Variants in MECOM observed in about 807,000 individuals in gnomAD.
MECOM encodes histone-lysine N-methyltransferase MECOM.
A neutral mutation model predicts 116.3 loss-of-function variants in MECOM; 13 were observed. The ratio of observed to expected loss-of-function variants is 0.11; its 90% CI spans 0.07 to 0.18. The LOEUF (loss-of-function observed/expected upper bound fraction) is 0.18. Among genes scored for constraint, MECOM ranks in the 10% least tolerant of loss-of-function variants. The probability of loss-of-function intolerance (pLI) is 1.00; values close to 1 mark genes in which losing one functional copy is unlikely to be tolerated. For synonymous variants in MECOM, 528 were observed against 535.2 expected (o/e 0.99, Z 0.19); for missense variants, 1,299 against 1,509.0 (o/e 0.86, Z 2.31).
chr3:169,163,028 T>C (rs1743070314), intron 2 of MECOM, among the ~76,000 whole-genome samples: 1 of 152,128 alleles, frequency 6.6e-6, no homozygotes, highest in Non-Finnish European at 1.5e-5. Flanking sequence ...TCATTTGCAA[T>C]AATGATAATA....
chr3:169,478,869 C>A (rs1042222396), intron 1 of MECOM, among the ~76,000 whole-genome samples: 67 of 152,286 alleles, frequency 4.4e-4, no homozygotes, highest in African/African-American at 1.5e-3. Flanking sequence ...CACAGATTAA[C>A]CATACAGAGC....
At chr3:169,548,904 A>G (rs1761041627) in intron 1 of MECOM, among the ~76,000 whole-genome samples, 1 of 152,020 alleles carries the variant, frequency 6.6e-6, no homozygotes, top group Admixed American at 6.5e-5. Context: ...ACTGATACCT[A>G]GAGAGCTTAA....
At chr3:169,150,445 C>G (rs1438849668) in intron 2 of MECOM, among the ~76,000 whole-genome samples, 2 of 152,232 alleles carry the variant, frequency 1.3e-5, no homozygotes, top group Non-Finnish European at 2.9e-5. Context: ...AAGCCGCTGT[C>G]TGCTCAGCAG....
chr3:169,112,836 A>G lies in MECOM; in HGVS notation c.2528T>C (p.Leu843Ser). 6.2e-7 allele frequency: 1 copy of G among 1,613,168 alleles called. No individual in the cohort carries two copies. The highest frequency in any genetic ancestry group is 8.5e-7 in the Non-Finnish European group (1 of 1,179,438). Residue 843 changes from leucine (L) to serine (S), a missense_variant, in exon 9 of 17, where the codon TTA becomes TCA. Around this residue, in one of 6 missense-constraint regions of MECOM, gnomAD observed 340 missense variants for 312.6 expected, o/e 1.09. Coordinates refer to ENST00000651503, the MANE Select transcript of MECOM (RefSeq NM_004991.4). ...KRKLTDPLEA[L>S]KEKYLRPSPG... is the part of the protein sequence containing the mutation. ...AGAAGGCCTCAAGTATTTCTCTTTT[A>G]AAGCTTCAAGTGGGTCAGTTAGTTT...
chr3:169,263,254 G>A (rs1484082612), intron 2 of MECOM, among the ~76,000 whole-genome samples: 4 of 147,996 alleles, frequency 2.7e-5, no homozygotes, highest in East Asian at 4.0e-4. Flanking sequence ...TCAGCCTCCC[G>A]AGTAGCTGGG....
chr3:169,656,510 T>C (rs555566753), intron 1 of MECOM, among the ~76,000 whole-genome samples: 1 of 152,306 alleles, frequency 6.6e-6, no homozygotes, highest in South Asian at 2.1e-4. Context: ...TTTTCCATAA[T>C]GAAACAGTTC....
At chr3:169,292,194 T>C (rs1381330902) in intron 2 of MECOM, among the ~76,000 whole-genome samples, 4 of 151,840 alleles carry the variant, frequency 2.6e-5, no homozygotes, top group African/African-American at 9.7e-5. Flanking sequence ...AATTCGAAAA[T>C]TAGCTGGGCA....
At chr3:169,258,996 A>G (rs1331520475) in intron 2 of MECOM, among the ~76,000 whole-genome samples, 3 of 151,810 alleles carry the variant, frequency 2.0e-5, no homozygotes, top group South Asian at 2.1e-4. Flanking sequence ...TACAACATCT[A>G]TGGTTTTGCA....
intron 1 of MECOM, among the ~76,000 whole-genome samples, chr3:169,555,326 G>A (rs1444765674): frequency 6.6e-6 from 1 of 152,138 alleles, no homozygotes. Flanking sequence ...GGATTTCACA[G>A]TCTGAGAAGG....
intron 1 of MECOM, among the ~76,000 whole-genome samples, chr3:169,509,482 A>G (rs536376347): frequency 3.9e-5 from 6 of 152,216 alleles, no homozygotes; most frequent in African/African-American, 1.4e-4. Context: ...GAAACTCTGT[A>G]CCCAATAACT....
intron 1 of MECOM, among the ~76,000 whole-genome samples, chr3:169,646,572 G>A (rs1774218216): frequency 6.6e-6 from 1 of 151,946 alleles, no homozygotes; most frequent in Admixed American, 6.6e-5. Flanking sequence ...GAAATACTTT[G>A]TTGCAGGCCC....
chr3:169,392,618 G>A (rs1381258012), intron 1 of MECOM, among the ~76,000 whole-genome samples: 1 of 152,122 alleles, frequency 6.6e-6, no homozygotes, highest in Middle Eastern at 3.2e-3. Flanking sequence ...CAGTAGTGAA[G>A]ACATAGATGG....
In MECOM at chr3:169,306,616, G is replaced by A. The variant is rs996743504; in HGVS notation, c.375+74571C>T. Among the ~76,000 whole-genome samples, 24 of 152,238 alleles carry A rather than the reference G, an allele frequency of 1.6e-4. 1 individual carries two copies. The highest frequency in any genetic ancestry group is 2.8e-4 in the Non-Finnish European group (19 of 68,040). ...GAATCACTTGAACCTGAGAGACAGA[G>A]GTTGCAGTGAGCAGAGATCATGCCA... On this transcript the variant is annotated intron_variant, in intron 2 of 16. Transcript: ENST00000651503.
At chr3:169,556,885 T>C (rs565477556) in intron 1 of MECOM, among the ~76,000 whole-genome samples, 11 of 152,136 alleles carry the variant, frequency 7.2e-5, no homozygotes, top group Admixed American at 3.9e-4. Flanking sequence ...TTATGCCAGC[T>C]CCCAGATTCC....
At chr3:169,576,464 AG>A (rs1031331670) in intron 1 of MECOM, among the ~76,000 whole-genome samples, 3 of 152,154 alleles carry the variant, frequency 2.0e-5, no homozygotes, top group African/African-American at 7.2e-5. Flanking sequence ...ACATCAAAAA[AG>A]GTATTGGAAT....
chr3:169,395,675 C>A (rs1436753860), intron 1 of MECOM, among the ~76,000 whole-genome samples: 1 of 152,128 alleles, frequency 6.6e-6, no homozygotes, highest in East Asian at 1.9e-4. Flanking sequence ...CATGGATAAT[C>A]CATATTTATG....
At chr3:169,143,948 A>T (rs1375338668) in intron 2 of MECOM, 116 bp from the exon 3 acceptor site, 1 of 1,223,230 alleles carries the variant, frequency 8.2e-7, no homozygotes, top group Non-Finnish European at 1.1e-6. Context: ...CCTTAAAAAA[A>T]GTCAGATCAC....
At chr3:169,315,982 T>C (rs1577688655) in intron 2 of MECOM, among the ~76,000 whole-genome samples, 2 of 152,324 alleles carry the variant, frequency 1.3e-5, no homozygotes, top group South Asian at 4.1e-4. Flanking sequence ...TGGTCAATAA[T>C]TATTTTACCA....
At chr3:169,201,211 A>G (rs1057436148) in intron 2 of MECOM, among the ~76,000 whole-genome samples, 2 of 152,026 alleles carry the variant, frequency 1.3e-5, no homozygotes, top group Non-Finnish European at 2.9e-5. Context: ...ACAATATTCA[A>G]TAAGTACATT....
Sources: allele counts gnomAD v4.1 joint callset (sites outside exome capture counted in the v4.1 genomes callset), GRCh38; gene constraint gnomAD v4.1.1; regional missense constraint gnomAD v4.1.1; transcripts MANE v1.5; gene names NCBI Gene and HGNC (gene_info 2026-07-23, HGNC 2026-07-21).